WDR27: variants seen among roughly 807,000 people sequenced by gnomAD.
WDR27 encodes the protein WD repeat domain 27.
Under a neutral mutation model 114.4 loss-of-function variants are expected in WDR27, and 100 were observed. The observed-to-expected ratio is 0.87, with a 90% CI of 0.74 to 1.03. The LOEUF is 1.03. WDR27 is among the 50% of genes least tolerant of loss of function. The pLI, the probability that WDR27 is intolerant of heterozygous loss-of-function variation, is 0.00. For synonymous variants in WDR27, 449 were observed against 423.1 expected, an observed-to-expected ratio of 1.06 and a Z score of -0.75; for missense variants, 1,129 against 1,092.9, an observed-to-expected ratio of 1.03 and a Z score of -0.47.
chr6:169,566,542 C>T (rs903776428), intron 25 of WDR27, among the ~76,000 whole-genome samples: 23 of 152,206 alleles, frequency 1.5e-4, no homozygotes, highest in African/African-American at 4.8e-4. Context: ...TTGACGATGA[C>T]CATTAATTGG....
chr6:169,565,820 T>C (rs1800372448), intron 25 of WDR27, among the ~76,000 whole-genome samples: 2 of 152,208 alleles, frequency 1.3e-5, no homozygotes, highest in Non-Finnish European at 2.9e-5. Context: ...CGCAGCTGAT[T>C]TTTCATTTTT....
chr6:169,560,263 C>T (rs983901426), intron 25 of WDR27, among the ~76,000 whole-genome samples: 3 of 152,170 alleles, frequency 2.0e-5, no homozygotes, highest in African/African-American at 4.8e-5. Context: ...TCTCTCTTCC[C>T]TGCCACCATG....
intron 25 of WDR27, among the ~76,000 whole-genome samples, chr6:169,487,545 T>C (rs1789100986): frequency 6.6e-6 from 1 of 152,182 alleles, no homozygotes; most frequent in Admixed American, 6.5e-5. Context: ...AACCTCATGC[T>C]TGAGGTTACA....
At chr6:169,664,489 T>C (rs748520379) in intron 7 of WDR27, 134 of 1,422,098 alleles carry the variant, frequency 9.4e-5, no homozygotes, top group Admixed American at 9.2e-4. Context: ...CAGAGCACTT[T>C]CACACGGCTG....
chr6:169,676,550 A>C (rs1780113259), intron 2 of WDR27, among the ~76,000 whole-genome samples: 1 of 152,208 alleles, frequency 6.6e-6, no homozygotes, highest in Non-Finnish European at 1.5e-5. Context: ...GATCCAGAAG[A>C]GTAACCACTA....
chr6:169,693,184 T>C (rs1784947256), intron 1 of WDR27, among the ~76,000 whole-genome samples: 1 of 152,164 alleles, frequency 6.6e-6, no homozygotes, highest in Non-Finnish European at 1.5e-5. Flanking sequence ...TGGGGTCATA[T>C]CTTTACCCTC....
Position 169,688,813 on chromosome 6 carries a change from A to G in WDR27, c.189+4T>C. On this transcript the variant is annotated splice_donor_region_variant and intron_variant, in intron 2 of 25. Coordinates refer to ENST00000448612, the MANE Select transcript of WDR27 (RefSeq NM_182552.5). ...TGACACTGGACATGTAACTCGTTCA[A>G]TACCTGATGAGAAGGATCCTTAGTG... is the stretch of plus-strand genomic sequence containing the variant. 3.1e-6 allele frequency: 5 copies of G among 1,599,606 alleles called. No homozygotes were observed. The highest frequency in any genetic ancestry group is 4.3e-6 in the Non-Finnish European group (5 of 1,173,502).
At chr6:169,468,465 G>A (rs73236906) in intron 25 of WDR27, among the ~76,000 whole-genome samples, 2 of 152,156 alleles carry the variant, frequency 1.3e-5, no homozygotes, top group Non-Finnish European at 2.9e-5. Context: ...TGAGAAAAAG[G>A]GGGAAATCCC....
chr6:169,535,202 T>G (rs946150645), intron 25 of WDR27, among the ~76,000 whole-genome samples: 5 of 152,204 alleles, frequency 3.3e-5, no homozygotes, highest in Non-Finnish European at 7.3e-5. Context: ...GGTATGAAGA[T>G]CCTTTCATTG....
chr6:169,584,537 G>C (rs576361618), intron 23 of WDR27, among the ~76,000 whole-genome samples: 1 of 152,194 alleles, frequency 6.6e-6, no homozygotes, highest in Admixed American at 6.5e-5. Flanking sequence ...CAGTGCACAG[G>C]GTTCCCTTGT....
intron 25 of WDR27, among the ~76,000 whole-genome samples, chr6:169,527,087 A>G (rs1463288150): frequency 6.6e-6 from 1 of 152,246 alleles, no homozygotes; most frequent in African/African-American, 2.4e-5. Context: ...AGGTTTAGCA[A>G]TTCTTCCAAC....
chr6:169,476,152 C>G (rs1363859260), intron 25 of WDR27, among the ~76,000 whole-genome samples: 2 of 152,100 alleles, frequency 1.3e-5, no homozygotes, highest in Non-Finnish European at 2.9e-5. Context: ...GGGTCTCAAA[C>G]CCCTTGTGGC....
At chr6:169,664,386 G>A (rs1827182728) in intron 7 of WDR27, 100 bp from the exon 8 acceptor site, 3 of 1,590,286 alleles carry the variant, frequency 1.9e-6, no homozygotes, top group Non-Finnish European at 2.6e-6. Flanking sequence ...ACACGTCACA[G>A]GACGGGCCCT....
chr6:169,493,421 C>T (rs571321857), intron 25 of WDR27, among the ~76,000 whole-genome samples: 105 of 152,214 alleles, frequency 6.9e-4, no homozygotes, highest in South Asian at 6.4e-3. Flanking sequence ...AAATCCACTT[C>T]AGAAGCATAT....
At chr6:169,549,328 T>C (rs556727909) in intron 25 of WDR27, among the ~76,000 whole-genome samples, 6 of 152,294 alleles carry the variant, frequency 3.9e-5, no homozygotes, top group East Asian at 1.9e-4. Context: ...ATGAGATTAT[T>C]TGCACACCTA....
intron 25 of WDR27, among the ~76,000 whole-genome samples, chr6:169,568,157 CACTCA>C (rs1800805107): frequency 3.0e-5 from 1 of 32,940 alleles, no homozygotes; most frequent in African/African-American, 4.9e-5. Flanking sequence ...TGACAGCAAT[CACTCA>C]GGAACCACAC....
intron 21 of WDR27, among the ~76,000 whole-genome samples, chr6:169,619,752 T>C (rs1812674634): frequency 6.6e-6 from 1 of 152,226 alleles, no homozygotes; most frequent in Non-Finnish European, 1.5e-5. Context: ...CATTAGTGGC[T>C]GCCCTTGGAG....
intron 25 of WDR27, among the ~76,000 whole-genome samples, chr6:169,547,103 A>T (rs767723488): frequency 6.6e-6 from 1 of 152,220 alleles, no homozygotes; most frequent in Non-Finnish European, 1.5e-5. Flanking sequence ...ATTCTTTGAA[A>T]GACACAATAT....
intron 24 of WDR27, among the ~76,000 whole-genome samples, chr6:169,578,720 A>T (rs1802872521): frequency 1.3e-5 from 2 of 152,160 alleles, no homozygotes; most frequent in South Asian, 4.2e-4. Context: ...AAAGACCCTC[A>T]AACAGCTCCT....
Sources: gnomAD v4.1 joint callset for allele counts (sites outside exome capture counted in the v4.1 genomes callset) on GRCh38, gnomAD v4.1.1 for gene constraint, MANE v1.5 for transcripts, NCBI Gene and HGNC (gene_info 2026-07-23, HGNC 2026-07-21) for gene names.